Variants in FAM114A2 observed in about 807,000 individuals in gnomAD.
The protein encoded by FAM114A2 is family with sequence similarity 114 member A2.
In FAM114A2, 53 loss-of-function variants were observed where a neutral mutation model predicts 58.4. That is an observed-to-expected ratio of 0.91 (90% confidence interval 0.73 to 1.14). The LOEUF (loss-of-function observed/expected upper bound fraction) is 1.14, where lower values mean the gene tolerates loss of function less well. Ranked by LOEUF, FAM114A2 falls within the 50% of genes most tolerant of loss-of-function variation. The pLI, the probability that FAM114A2 is intolerant of heterozygous loss-of-function variation, is 0.00. For synonymous variants in FAM114A2, 228 were observed against 211.4 expected (o/e 1.08, Z -0.68); for missense variants, 601 against 581.1 (o/e 1.03, Z -0.35).
chr5:153,993,706 C>T (rs1003178364), intron 13 of FAM114A2, among the ~76,000 whole-genome samples: 3 of 152,014 alleles, frequency 2.0e-5, no homozygotes, highest in African/African-American at 7.2e-5. Context: ...AAGCCCTCAC[C>T]TTTCAAAAGA....
At chr5:154,030,460 G>A (rs2578375) in intron 4 of FAM114A2, among the ~76,000 whole-genome samples, 93,342 of 152,012 alleles carry the variant, frequency 0.61, 29,189 homozygotes, top group East Asian at 0.88. Context: ...AGAAGCAACT[G>A]TCTTCAGACA....
At chr5:154,016,253 G>A (rs1185814317) in intron 8 of FAM114A2, among the ~76,000 whole-genome samples, 1 of 152,148 alleles carries the variant, frequency 6.6e-6, no homozygotes, top group Non-Finnish European at 1.5e-5. Context: ...CCAAATACAA[G>A]AAGCTCAAAG....
chr5:154,011,188 C>G (rs1253095123), intron 9 of FAM114A2, 53 bp downstream of exon 9: 1 of 1,293,544 alleles, frequency 7.7e-7, no homozygotes, highest in African/African-American at 1.5e-5. Context: ...GCTCTTTATC[C>G]ACTACATTTT....
intron 1 of FAM114A2, among the ~76,000 whole-genome samples, chr5:154,035,363 G>A (rs559220509): frequency 3.5e-4 from 53 of 152,134 alleles, no homozygotes; most frequent in African/African-American, 1.2e-3. Flanking sequence ...CCAACCCAAA[G>A]CAATTACTGA....
chr5:154,021,574 A>G (rs1209708530), intron 8 of FAM114A2, among the ~76,000 whole-genome samples: 8 of 152,162 alleles, frequency 5.3e-5, no homozygotes, highest in South Asian at 2.1e-4. Flanking sequence ...AAAATACGTA[A>G]GAATCCAACT....
chr5:154,032,990 C>T (rs987623750), intron 4 of FAM114A2, among the ~76,000 whole-genome samples: 1 of 152,188 alleles, frequency 6.6e-6, no homozygotes, highest in Non-Finnish European at 1.5e-5. Flanking sequence ...TAGTCCTTTG[C>T]AGCCATGTTT....
At chr5:154,021,037 G>A (rs1406152231) in intron 8 of FAM114A2, among the ~76,000 whole-genome samples, 4 of 151,984 alleles carry the variant, frequency 2.6e-5, no homozygotes, top group Non-Finnish European at 5.9e-5. Context: ...CAGAACCAAC[G>A]ACAAAAACCA....
intron 9 of FAM114A2, among the ~76,000 whole-genome samples, chr5:154,005,054 A>G (rs1770263481): frequency 6.6e-6 from 1 of 152,232 alleles, no homozygotes. Context: ...TCTTTCAGGT[A>G]ACTTAAATTC....
At chr5:153,995,049 C>A in intron 12 of FAM114A2, 77 bp from the exon 13 acceptor site, 3 of 756,298 alleles carry the variant, frequency 4.0e-6, no homozygotes, top group Non-Finnish European at 4.7e-6. Flanking sequence ...CACTTTAAAA[C>A]ACACACACAC....
At chr5:154,032,540 C>T (rs1273635680) in intron 4 of FAM114A2, among the ~76,000 whole-genome samples, 2 of 152,190 alleles carry the variant, frequency 1.3e-5, no homozygotes, top group Admixed American at 6.5e-5. Flanking sequence ...CCAAAACGCA[C>T]TCTCTCAGCA....
chr5:154,024,820 A>G (rs1026319000), intron 8 of FAM114A2, among the ~76,000 whole-genome samples: 24 of 152,150 alleles, frequency 1.6e-4, no homozygotes, highest in African/African-American at 5.1e-4. Flanking sequence ...CCAAATGCTG[A>G]CACATTTCCT....
In FAM114A2 at chr5:154,002,928, G is replaced by A. The variant is rs758666264; in HGVS notation, c.1035C>T (p.Thr345=). ...CTTCTTCATTCTCTGCTAATGGCTT[G>A]GTCAGAGACTTCCTGATCCATTCGT... is the stretch of plus-strand genomic sequence containing the variant. ...TAHEWIRKSL[T]KPLAENEEGE... is the part of the protein sequence containing the mutation. The change falls in exon 10 of 14, where the codon ACC becomes ACT. Residue 345 remains threonine, a synonymous_variant. Transcript: ENST00000351797. The A allele has an allele frequency of 6.2e-7, 1 of 1,613,406 alleles. No individual in the cohort carries two copies.
chr5:153,993,089 T>C lies in FAM114A2; in HGVS notation c.1405A>G (p.Ile469Val). Residue 469 changes from isoleucine to valine, a missense_variant, in exon 14 of 14, where the codon ATC becomes GTC. Coordinates refer to ENST00000351797, the MANE Select transcript of FAM114A2 (RefSeq NM_018691.4). ...AAGAGTAGCTGAAAGGCGTCCTGGA[T>C]GTAGGAGGCACTGTTTGATGCCTGC... The part of the protein sequence containing the change: ...FLEASNSASY[I>V]QDAFQLLLPV... 6.2e-7 allele frequency: 1 copy of C among 1,611,572 alleles called. No individual in the cohort carries two copies. The highest frequency in any genetic ancestry group is 8.5e-7 in the Non-Finnish European group (1 of 1,178,532).
At chr5:153,997,393 C>T (rs1345528386) in intron 12 of FAM114A2, among the ~76,000 whole-genome samples, 2 of 152,086 alleles carry the variant, frequency 1.3e-5, no homozygotes, top group African/African-American at 4.8e-5. Flanking sequence ...TGATATATAT[C>T]CATAAGACAG....
chr5:154,001,063 T>C (rs903334727), intron 11 of FAM114A2, among the ~76,000 whole-genome samples: 1 of 152,164 alleles, frequency 6.6e-6, no homozygotes, highest in Non-Finnish European at 1.5e-5. Context: ...CCAGATTTTA[T>C]TTAAAGTCTT....
rs141285536 is a variant in FAM114A2 at position 153,997,802 on chromosome 5, C to A, written c.1329+1G>T. ...TTGCAGTAAGAGGCATGGATTCTTA[C>A]CCCAGCAGTTGTTAGGCAGGTAGTG... On this transcript the variant is annotated splice_donor_variant, in intron 12 of 13. Coordinates refer to ENST00000351797, the MANE Select transcript of FAM114A2 (RefSeq NM_018691.4). LOFTEE classifies it high-confidence loss of function. 3.6e-5 allele frequency: 55 copies of A among 1,545,842 alleles called. No homozygotes were observed. In the South Asian group the frequency reaches 5.9e-4, roughly 17 times the overall value.
chr5:154,011,040 C>T (rs1461495386), intron 9 of FAM114A2, among the ~76,000 whole-genome samples: 1 of 152,114 alleles, frequency 6.6e-6, no homozygotes, highest in African/African-American at 2.4e-5. Flanking sequence ...GGATGGGACA[C>T]GTGTTGTGGG....
intron 9 of FAM114A2, among the ~76,000 whole-genome samples, chr5:154,007,829 T>A (rs1049808211): frequency 6.6e-6 from 1 of 152,202 alleles, no homozygotes; most frequent in African/African-American, 2.4e-5. Context: ...CCAGGCCCTT[T>A]GTAAGAGCTA....
intron 3 of FAM114A2, 123 bp downstream of exon 3, chr5:154,034,155 C>A: frequency 1.5e-6 from 1 of 666,524 alleles, no homozygotes; most frequent in Non-Finnish European, 2.6e-6. Context: ...CTAATGCATC[C>A]TCAAATTATA....
Sources: allele counts gnomAD v4.1 joint callset (sites outside exome capture counted in the v4.1 genomes callset), GRCh38; gene constraint gnomAD v4.1.1; transcripts MANE v1.5; gene names NCBI Gene and HGNC (gene_info 2026-07-23, HGNC 2026-07-21).